Variants in KALRN observed in about 807,000 individuals in gnomAD.
The protein encoded by KALRN is kalirin RhoGEF kinase, also known as kalirin.
Under a neutral mutation model 353.7 loss-of-function variants are expected in KALRN, and 70 were observed. The observed-to-expected ratio is 0.20, with a 90% CI of 0.16 to 0.24. KALRN has a LOEUF of 0.24. Among genes scored for constraint, KALRN ranks in the 10% least tolerant of loss-of-function variants. The probability of loss-of-function intolerance (pLI) is 1.00; values close to 1 mark genes in which losing one functional copy is unlikely to be tolerated. For missense variants in KALRN, 2,791 were observed against 3,756.7 expected (o/e 0.74, Z 6.72); for synonymous variants, 1,391 against 1,434.8 (o/e 0.97, Z 0.69).
chr3:124,518,532 A>G, intron 33 of KALRN: 1 of 1,612,028 alleles, frequency 6.2e-7, no homozygotes, highest in Non-Finnish European at 8.5e-7. Flanking sequence ...TCCCACCAGG[A>G]CTCCAATCAC....
intron 1 of KALRN, among the ~76,000 whole-genome samples, chr3:124,197,890 C>G (rs1346738974): frequency 6.6e-6 from 1 of 152,220 alleles, no homozygotes; most frequent in Non-Finnish European, 1.5e-5. Flanking sequence ...CCACCTTCAG[C>G]TGCTCTCCGA....
In KALRN at chr3:124,227,682, T is replaced by G. The variant is rs1168026748; in HGVS notation, c.74-308T>G. Among the ~76,000 whole-genome samples, 30 of 66,322 alleles carry G rather than the reference T, an allele frequency of 4.5e-4. No homozygotes were observed. In the South Asian group the frequency reaches 9.2e-3, roughly 20 times the overall value. 43.5% of individuals were successfully genotyped at this position (66,322 alleles called of 152,430 possible). On this transcript the variant is annotated intron_variant, in intron 1 of 59. Coordinates refer to ENST00000682506, the MANE Select transcript of KALRN (RefSeq NM_001388419.1). ...AGGGCTGTTTTTTTTTTTTTTTTTTTTTTTTTTTTTTTTTTTTTTTTTTGC... is the reference window on the plus strand; with the variant it reads ...AGGGCTGTTTTTTTTTTTTTTTTTTGTTTTTTTTTTTTTTTTTTTTTTTGC...
At chr3:124,332,438 T>C (rs1019591365) in intron 8 of KALRN, among the ~76,000 whole-genome samples, 1 of 152,074 alleles carries the variant, frequency 6.6e-6, no homozygotes, top group Non-Finnish European at 1.5e-5. Flanking sequence ...AAGCCTTCTT[T>C]TGGGGAAGGC....
chr3:124,218,900 G>A (rs181537049), intron 1 of KALRN, among the ~76,000 whole-genome samples: 3 of 152,308 alleles, frequency 2.0e-5, no homozygotes, highest in Admixed American at 1.3e-4. Context: ...GCAGTAGAAA[G>A]TGTTACAAAT....
chr3:124,481,842 C>T (rs1413656834), intron 27 of KALRN, among the ~76,000 whole-genome samples: 1 of 152,254 alleles, frequency 6.6e-6, no homozygotes, highest in Admixed American at 6.5e-5. Context: ...CACCCGGCCA[C>T]TCCCAACCCC....
chr3:124,176,282 C>G (rs1354888475), intron 1 of KALRN, among the ~76,000 whole-genome samples: 2 of 152,136 alleles, frequency 1.3e-5, no homozygotes, highest in Non-Finnish European at 2.9e-5. Context: ...TCCCAGGGAA[C>G]CCACCCTGAG....
chr3:124,269,288 A>T (rs760284559), intron 5 of KALRN, 33 bp downstream of exon 5: 17 of 1,552,346 alleles, frequency 1.1e-5, no homozygotes, highest in African/African-American at 4.1e-5. Context: ...CTGAGCCGGG[A>T]TGGGGGTGAG....
At chr3:124,324,239 T>C (rs2079641797) in intron 6 of KALRN, among the ~76,000 whole-genome samples, 1 of 152,194 alleles carries the variant, frequency 6.6e-6, no homozygotes, top group Non-Finnish European at 1.5e-5. Context: ...AATAATTGTC[T>C]CAAGGTCTGC....
At chr3:124,277,673 G>A (rs968264182) in intron 5 of KALRN, among the ~76,000 whole-genome samples, 1 of 152,088 alleles carries the variant, frequency 6.6e-6, no homozygotes, top group African/African-American at 2.4e-5. Flanking sequence ...AGATTAGCAC[G>A]CCTGCAGGAG....
At position 124,671,687 on chromosome 3, in the gene KALRN, G is replaced by T. The variant is rs374234847; in HGVS notation, c.6731G>T (p.Arg2244Leu). Residue 2244 changes from arginine (R) to leucine (L), a missense_variant, in exon 48 of 60, where the codon CGG becomes CTG. Arg to Leu is a moderately radical substitution (Grantham distance 102). This residue lies in a region of KALRN where 1,065 missense variants were observed against 1,156.4 expected (regional missense o/e 0.92). Coordinates refer to ENST00000682506, the MANE Select transcript of KALRN (RefSeq NM_001388419.1). ...CTGCAATCGCCCATTGAGTATCAAC[G>T]GAAAGAAAGGAGCACAGCTGTGATG... ...NALQSPIEYQ[R>L]KERSTAVMRS... 1.9e-6 allele frequency: 3 copies of T among 1,614,008 alleles called. No homozygotes were observed. The highest frequency in any genetic ancestry group is 1.7e-6 in the Non-Finnish European group (2 of 1,179,922).
chr3:124,314,887 T>G (rs919722144), intron 6 of KALRN, among the ~76,000 whole-genome samples: 3 of 152,194 alleles, frequency 2.0e-5, no homozygotes, highest in African/African-American at 7.2e-5. Flanking sequence ...ACTCCTGGCC[T>G]CAAGTGATCC....
At chr3:124,281,407 G>C (rs574519205) in intron 5 of KALRN, among the ~76,000 whole-genome samples, 142 of 152,284 alleles carry the variant, frequency 9.3e-4, no homozygotes, top group African/African-American at 3.3e-3. Context: ...GTGGCAAGAG[G>C]GGGTACAAAC....
At chr3:124,522,874 T>C (rs2067276646) in intron 33 of KALRN, among the ~76,000 whole-genome samples, 1 of 152,174 alleles carries the variant, frequency 6.6e-6, no homozygotes. Context: ...GTTTAAAAAT[T>C]GGACTATTTT....
In KALRN at chr3:124,719,369, C is replaced by T. The variant is rs2063303503; in HGVS notation, c.8860C>T (p.Arg2954Cys). The change falls in exon 60 of 60, where the codon CGC (arginine) becomes TGC (cysteine). Residue 2954 changes from arginine to cysteine, a missense_variant. This residue lies in a region of KALRN where 188 missense variants were observed against 402.9 expected (regional missense o/e 0.47). Transcript: ENST00000682506. The surrounding 1 kb of genome is among the most constrained non-coding windows in gnomAD (Gnocchi z 5.3). ...CTCTAAGATCCCCCTGGACACCTCC[C>T]GCCTAGCATGCTTCATAGAACGTCG... ...SYSKIPLDTS[R>C]LACFIERRKH... The T allele has an allele frequency of 6.2e-7, 1 of 1,614,170 alleles. No individual in the cohort carries two copies. Among genetic ancestry groups the T allele is most frequent in the Non-Finnish European group, 8.5e-7 (1 of 1,180,034 alleles).
chr3:124,377,740 A>G (rs1233800722), intron 10 of KALRN, among the ~76,000 whole-genome samples: 2 of 152,204 alleles, frequency 1.3e-5, no homozygotes, highest in Non-Finnish European at 2.9e-5. Context: ...ATAACTGTTT[A>G]GGGTTATTAC....
chr3:124,083,815 A>C (rs1408425627), intron 1 of KALRN, among the ~76,000 whole-genome samples: 1 of 152,200 alleles, frequency 6.6e-6, no homozygotes, highest in Non-Finnish European at 1.5e-5. Flanking sequence ...GTAACAATCA[A>C]CTTGGAAATT....
intron 34 of KALRN, among the ~76,000 whole-genome samples, chr3:124,571,740 G>T (rs1307519777): frequency 6.6e-6 from 1 of 151,778 alleles, no homozygotes; most frequent in African/African-American, 2.4e-5. Context: ...GCCCAGGCTG[G>T]AGTGCAGTGG....
chr3:124,417,462 T>C (rs1478778328), intron 14 of KALRN, among the ~76,000 whole-genome samples: 2 of 152,236 alleles, frequency 1.3e-5, no homozygotes, highest in African/African-American at 4.8e-5. Context: ...ATGGATATGT[T>C]GTTTTTGTGA....
chr3:124,134,986 A>G (rs1419736484), intron 1 of KALRN, among the ~76,000 whole-genome samples: 1 of 152,202 alleles, frequency 6.6e-6, no homozygotes, highest in Non-Finnish European at 1.5e-5. Flanking sequence ...TAAGGAACTA[A>G]AAGTGGAACC....
Sources: allele counts gnomAD v4.1 joint callset (sites outside exome capture counted in the v4.1 genomes callset), GRCh38; gene constraint gnomAD v4.1.1; regional missense constraint gnomAD v4.1.1; non-coding constraint Gnocchi (gnomAD v3.1); transcripts MANE v1.5; gene names NCBI Gene and HGNC (gene_info 2026-07-23, HGNC 2026-07-21).